The following RAB5C variants were observed in gnomAD, a reference collection of about 807,000 sequenced individuals.
RAB5C encodes RAB5C, member RAS oncogene family.
A neutral mutation model predicts 25.2 loss-of-function variants in RAB5C; 4 were observed. That is an observed-to-expected ratio of 0.16 (90% CI 0.08 to 0.36). The LOEUF (loss-of-function observed/expected upper bound fraction) is 0.36, where lower values mean the gene tolerates loss of function less well. RAB5C is among the 10% of genes least tolerant of loss of function. RAB5C has a pLI of 1.00. For synonymous variants in RAB5C, 100 were observed against 106.4 expected, an observed-to-expected ratio of 0.94 and a Z score of 0.37; for missense variants, 199 against 283.8, an observed-to-expected ratio of 0.70 and a Z score of 2.15.
intron 4 of RAB5C, among the ~76,000 whole-genome samples, chr17:42,127,340 A>G (rs2054436292): frequency 6.6e-6 from 1 of 152,204 alleles, no homozygotes; most frequent in African/African-American, 2.4e-5. Flanking sequence ...TGGGGAAATT[A>G]GAAGAAGAGA....
At chr17:42,144,758 C>G (rs1206301616) in intron 1 of RAB5C, among the ~76,000 whole-genome samples, 1 of 151,330 alleles carries the variant, frequency 6.6e-6, no homozygotes, top group Non-Finnish European at 1.5e-5. Flanking sequence ...GAAACCCTGT[C>G]TCTACTAAAA....
intron 1 of RAB5C, among the ~76,000 whole-genome samples, chr17:42,149,101 C>A (rs534801051): frequency 2.2e-4 from 33 of 152,244 alleles, no homozygotes; most frequent in African/African-American, 7.9e-4. Context: ...CAAAAATATT[C>A]CGATTCTCCT....
At chr17:42,131,690 T>A (rs1373144613) in intron 1 of RAB5C, 3 of 1,339,686 alleles carry the variant, frequency 2.2e-6, no homozygotes, top group Non-Finnish European at 3.1e-6. Context: ...GACCAAGTCC[T>A]GCATCCCCAA....
At chr17:42,126,056 G>A (rs750293934) in intron 5 of RAB5C, among the ~76,000 whole-genome samples, 158 bp from the exon 6 acceptor site, 7 of 152,156 alleles carry the variant, frequency 4.6e-5, no homozygotes, top group African/African-American at 7.2e-5. Flanking sequence ...AGGAAACTGC[G>A]GCAAAGTAAG....
At position 42,125,005 on chromosome 17, in the gene RAB5C, T is replaced by C. The variant is rs2054401830; in HGVS notation, c.*778A>G. 3 of 152,858 alleles carry C rather than the reference T, an allele frequency of 2.0e-5. No individual in the cohort carries two copies. The South Asian group carries it at 6.2e-4, about 32-fold the overall frequency. 9.5% of individuals were successfully genotyped at this position (152,858 alleles called of 1,614,324 possible). A position where few individuals can be genotyped will look rare whatever the true frequency, so the allele number is the denominator to read the frequency against. ...GAGGTCGATCGATCGGCTGACTATA[T>C]TGACAAGATACTGATTGGTTACATG... On this transcript the variant is annotated 3_prime_UTR_variant, in exon 6 of 6. Transcript: ENST00000346213.
Position 42,144,912 on chromosome 17 carries a change from C to A in RAB5C, c.-89+9981G>T, listed in dbSNP as rs1182758136. Among the ~76,000 whole-genome samples the A allele has an allele frequency of 1.0e-4, 7 of 68,320 alleles. No homozygotes were observed. In the Admixed American group the frequency reaches 1.3e-3, roughly 13 times the overall value. 44.8% of individuals were successfully genotyped at this position (68,320 alleles called of 152,430 possible). On this transcript the variant is annotated intron_variant, in intron 1 of 5. Transcript: ENST00000346213. Reference sequence around the variant, plus strand: ...ACTGCATCCAGCCTGGGCGACAGAGCCAGACTCCGTCTCAAAAAAAAAAAA... The same window carrying A: ...ACTGCATCCAGCCTGGGCGACAGAGACAGACTCCGTCTCAAAAAAAAAAAA...
intron 1 of RAB5C, among the ~76,000 whole-genome samples, chr17:42,136,049 T>C (rs1356571426): frequency 6.6e-6 from 1 of 152,148 alleles, no homozygotes; most frequent in Non-Finnish European, 1.5e-5. Flanking sequence ...GAAAAGGGCA[T>C]TCCTGAATAT....
At position 42,128,274 on chromosome 17, in the gene RAB5C, G is replaced by A; in HGVS notation, c.428C>T (p.Ala143Val). Reference sequence around the variant, plus strand: ...TCATCTCCCCACCTGGAATTCCACGGCTCTCTTGCTGGCCAGGTCTGCCTT... The same window carrying A: ...TCATCTCCCCACCTGGAATTCCACGACTCTCTTGCTGGCCAGGTCTGCCTT... ...GNKADLASKRAVEFQEAQAYA... is the reference protein window; with the variant it reads ...GNKADLASKRVVEFQEAQAYA... The change falls in exon 4 of 6, where the codon GCC (alanine) becomes GTC (valine). Residue 143 changes from alanine to valine, a missense_variant. By Grantham distance (64) the Ala-to-Val change is moderately conservative (BLOSUM62 0). Coordinates refer to ENST00000346213, the MANE Select transcript of RAB5C (RefSeq NM_004583.4). 1.2e-6 allele frequency: 2 copies of A among 1,613,356 alleles called. No individual in the cohort carries two copies. The highest frequency in any genetic ancestry group is 2.7e-5 in the African/African-American group (2 of 75,014).
intron 1 of RAB5C, among the ~76,000 whole-genome samples, chr17:42,134,617 G>C (rs1266452516): frequency 6.6e-6 from 1 of 152,178 alleles, no homozygotes; most frequent in African/African-American, 2.4e-5. Flanking sequence ...CAATGGCCGT[G>C]CTGGAGCTTC....
intron 1 of RAB5C, among the ~76,000 whole-genome samples, chr17:42,131,453 C>A (rs917922445): frequency 5.3e-5 from 8 of 151,678 alleles, no homozygotes; most frequent in Non-Finnish European, 1.0e-4. Flanking sequence ...CACACACACA[C>A]AAAAACACAT....
chr17:42,150,657 G>C (rs529076925), intron 1 of RAB5C, among the ~76,000 whole-genome samples: 1 of 150,674 alleles, frequency 6.6e-6, no homozygotes, highest in African/African-American at 2.4e-5. Context: ...CCTGAGGTCA[G>C]GAGTTTGAGA....
intron 5 of RAB5C, 29 bp downstream of exon 5, chr17:42,126,726 G>A: frequency 6.6e-7 from 1 of 1,509,166 alleles, no homozygotes; most frequent in Non-Finnish European, 9.2e-7. Flanking sequence ...TGCTGTGGTG[G>A]AGAGAGGAGG....
In RAB5C at chr17:42,125,771, G is replaced by A. The variant is rs1555668617; in HGVS notation, c.*12C>T. ...GCGGAGGAGGCGGGGGCAGCGGGCA[G>A]GCAAGGGGGGCTCAGTTGCTGCAGC... On this transcript the variant is annotated 3_prime_UTR_variant, in exon 6 of 6. Coordinates refer to ENST00000346213, the MANE Select transcript of RAB5C (RefSeq NM_004583.4). 1.9e-6 allele frequency: 3 copies of A among 1,581,366 alleles called. No individual in the cohort carries two copies. The highest frequency in any genetic ancestry group is 2.6e-6 in the Non-Finnish European group (3 of 1,162,996).
intron 2 of RAB5C, among the ~76,000 whole-genome samples, chr17:42,129,353 C>T (rs1350370380): frequency 6.6e-6 from 1 of 152,158 alleles, no homozygotes; most frequent in African/African-American, 2.4e-5. Flanking sequence ...CCACCCCTAC[C>T]ACCTCCAGGC....
chr17:42,147,534 G>A (rs897948884), intron 1 of RAB5C, among the ~76,000 whole-genome samples: 2 of 152,184 alleles, frequency 1.3e-5, no homozygotes, highest in South Asian at 2.1e-4. Flanking sequence ...TCAGGGCCGC[G>A]CCCTCATTGT....
At position 42,125,811 on chromosome 17, in the gene RAB5C, G is replaced by A. The variant is rs372369430; in HGVS notation, c.623C>T (p.Ala208Val). Residue 208 changes from alanine (A) to valine (V), a missense_variant, in exon 6 of 6, where the codon GCC (alanine) becomes GTC (valine). Ala to Val is a moderately conservative substitution (Grantham distance 64). Transcript: ENST00000346213. Reference protein sequence around the residue: ...RGVDLQENNPASRSQCCSN With the variant: ...RGVDLQENNPVSRSQCCSN Reference sequence around the variant, plus strand: ...GTTGCTGCAGCACTGGCTCCGGCTGGCTGGGTTGTTCTCCTGGAGGTCCAC... The same window carrying A: ...GTTGCTGCAGCACTGGCTCCGGCTGACTGGGTTGTTCTCCTGGAGGTCCAC... The A allele has an allele frequency of 4.4e-6, 7 of 1,609,126 alleles. No homozygotes were observed. The African/African-American group carries it at 9.3e-5, about 21-fold the overall frequency.
In RAB5C at chr17:42,144,735, T is replaced by C. The variant is rs926570265; in HGVS notation, c.-89+10158A>G. Among the ~76,000 whole-genome samples the C allele has an allele frequency of 7.3e-5, 11 of 151,706 alleles. 1 individual carries two copies. Among genetic ancestry groups the C allele is most frequent in the Admixed American group, 5.9e-4 (9 of 15,236 alleles). ...CGAGGTCAGGAGATCGAGACCATCC[T>C]GCCTAACAAGGTGAAACCCTGTCTC... On this transcript the variant is annotated intron_variant, in intron 1 of 5. Transcript: ENST00000346213.
At chr17:42,146,425 C>A (rs1010892894) in intron 1 of RAB5C, among the ~76,000 whole-genome samples, 2 of 152,092 alleles carry the variant, frequency 1.3e-5, no homozygotes, top group African/African-American at 4.8e-5. Flanking sequence ...TATTAAGCCT[C>A]GGCAACATAG....
chr17:42,140,227 CA>C (rs2054578792), intron 1 of RAB5C, among the ~76,000 whole-genome samples: 1 of 152,072 alleles, frequency 6.6e-6, no homozygotes, highest in South Asian at 2.1e-4. Context: ...TTACAAATAA[CA>C]GAAAACAAAA....
Sources: gnomAD v4.1 joint callset for allele counts (sites outside exome capture counted in the v4.1 genomes callset) on GRCh38, gnomAD v4.1.1 for gene constraint, MANE v1.5 for transcripts, NCBI Gene and HGNC (gene_info 2026-07-23, HGNC 2026-07-21) for gene names.